The following RANBP2 variants were observed in gnomAD, a reference collection of about 807,000 sequenced individuals.
RANBP2 encodes E3 SUMO-protein ligase RanBP2.
A neutral mutation model predicts 303.6 loss-of-function variants in RANBP2; 57 were observed. The observed-to-expected ratio is 0.19, with a 90% confidence interval of 0.15 to 0.23. The LOEUF (loss-of-function observed/expected upper bound fraction) is 0.23. Ranked by LOEUF, RANBP2 falls within the 10% of genes least tolerant of loss-of-function variation. The pLI is 1.00. For synonymous variants in RANBP2, 1,167 were observed against 1,301.5 expected (o/e 0.90, Z 2.23); for missense variants, 3,138 against 3,780.8 (o/e 0.83, Z 4.46).
the RANBP2 span, among the ~76,000 whole-genome samples, chr2:108,856,473 T>TA: frequency 1.3e-5 from 2 of 152,208 alleles, no homozygotes; most frequent in Non-Finnish European, 2.9e-5. Context: ...ATGTAGTAGT[T>TA]ATCAAATATG....
chr2:109,050,451 C>T, the RANBP2 span, among the ~76,000 whole-genome samples: 20 of 151,980 alleles, frequency 1.3e-4, no homozygotes, highest in African/African-American at 4.8e-4. Context: ...TGGGGGGTCT[C>T]ATGAGGTTGC....
chr2:109,519,020 GT>G, the RANBP2 span, among the ~76,000 whole-genome samples: 1 of 149,736 alleles, frequency 6.7e-6, no homozygotes, highest in Admixed American at 6.7e-5. Flanking sequence ...CTGGGTTCAA[GT>G]GATTCTCCTG....
chr2:109,363,379 T>G, the RANBP2 span, among the ~76,000 whole-genome samples: 1 of 152,212 alleles, frequency 6.6e-6, no homozygotes, highest in African/African-American at 2.4e-5. Flanking sequence ...TCCTGTTCCT[T>G]GTATCATTGG....
the RANBP2 span, among the ~76,000 whole-genome samples, chr2:109,521,563 G>C: frequency 6.6e-6 from 1 of 152,336 alleles, no homozygotes; most frequent in Non-Finnish European, 1.5e-5. Flanking sequence ...CTCAGTGCAT[G>C]CTCGCGGTCC....
chr2:109,661,945 G>T, the RANBP2 span, among the ~76,000 whole-genome samples: 1 of 152,016 alleles, frequency 6.6e-6, no homozygotes, highest in Non-Finnish European at 1.5e-5. Context: ...TAAGTTTTTG[G>T]TGGTGGCCAT....
intron 28 of RANBP2, 118 bp downstream of exon 28, chr2:108,782,980 T>G: frequency 1.1e-6 from 1 of 941,160 alleles, no homozygotes; most frequent in Non-Finnish European, 1.7e-6. Flanking sequence ...TTTCTTTAGG[T>G]TTTCCACACA....
chr2:109,129,343 GCAGGCCGGTCCCCGCCAC>G, the RANBP2 span: 5 of 1,922 alleles, frequency 2.6e-3, no homozygotes, highest in South Asian at 0.032. Flanking sequence ...TCCCCGCCAC[GCAGGCCGGTCCCCGCCAC>G]GCAGGCCGGT....
chr2:109,152,641 G>A, the RANBP2 span, among the ~76,000 whole-genome samples: 1 of 152,086 alleles, frequency 6.6e-6, no homozygotes, highest in Non-Finnish European at 1.5e-5. Flanking sequence ...TCTTTAAACG[G>A]CATTATTTAA....
At chr2:109,676,056 G>T in the RANBP2 span, among the ~76,000 whole-genome samples, 103 of 152,372 alleles carry the variant, frequency 6.8e-4, no homozygotes, top group African/African-American at 2.3e-3. Context: ...GGCATGCAAG[G>T]TGGCTCCTTG....
chr2:108,935,221 A>G, the RANBP2 span, among the ~76,000 whole-genome samples: 1 of 152,130 alleles, frequency 6.6e-6, no homozygotes, highest in Non-Finnish European at 1.5e-5. Flanking sequence ...ATTCCCATCT[A>G]GAATGATGAC....
the RANBP2 span, among the ~76,000 whole-genome samples, chr2:109,570,548 G>A: frequency 4.7e-4 from 70 of 149,376 alleles, no homozygotes; most frequent in African/African-American, 1.6e-3. Context: ...TTTCCAAGAC[G>A]GAGTCTAGCT....
chr2:109,098,275 G>T, the RANBP2 span, among the ~76,000 whole-genome samples: 2 of 152,210 alleles, frequency 1.3e-5, no homozygotes, highest in Non-Finnish European at 2.9e-5. Context: ...GTCCCCAGCA[G>T]TCCACGCTGA....
At chr2:109,704,876 A>G in the RANBP2 span, among the ~76,000 whole-genome samples, 1 of 152,170 alleles carries the variant, frequency 6.6e-6, no homozygotes, top group East Asian at 1.9e-4. Flanking sequence ...GCAGGCATGT[A>G]TAAAGAGCAT....
At chr2:109,281,241 G>A in the RANBP2 span, among the ~76,000 whole-genome samples, 1 of 152,238 alleles carries the variant, frequency 6.6e-6, no homozygotes, top group Admixed American at 6.5e-5. Flanking sequence ...GGCACACTTA[G>A]GGGCACAAAC....
chr2:108,832,664 A>G, the RANBP2 span, among the ~76,000 whole-genome samples: 6 of 152,194 alleles, frequency 3.9e-5, no homozygotes, highest in African/African-American at 1.2e-4. Context: ...GGTATAGGTA[A>G]ATTATATCCT....
the RANBP2 span, among the ~76,000 whole-genome samples, chr2:109,468,502 G>A: frequency 6.6e-6 from 1 of 152,280 alleles, no homozygotes; most frequent in East Asian, 1.9e-4. Context: ...AGGGCAGGAA[G>A]CAAAATGTTT....
the RANBP2 span, among the ~76,000 whole-genome samples, chr2:109,365,285 A>G: frequency 6.6e-6 from 1 of 152,168 alleles, no homozygotes. Context: ...CCCCCCAGTG[A>G]CTGGGCCCCT....
the RANBP2 span, among the ~76,000 whole-genome samples, chr2:109,347,034 G>A: frequency 1.3e-5 from 2 of 152,138 alleles, no homozygotes; most frequent in East Asian, 3.9e-4. Context: ...TGTACCGCTG[G>A]CCATGAGTCC....
chr2:109,699,117 A>G, the RANBP2 span, among the ~76,000 whole-genome samples: 7 of 152,140 alleles, frequency 4.6e-5, no homozygotes, highest in Non-Finnish European at 1.0e-4. Flanking sequence ...TTACCTGCCT[A>G]TGTGGGTTCT....
Sources: gnomAD v4.1 joint callset for allele counts (sites outside exome capture counted in the v4.1 genomes callset) on GRCh38, gnomAD v4.1.1 for gene constraint, MANE v1.5 for transcripts, NCBI Gene and HGNC (gene_info 2026-07-23, HGNC 2026-07-21) for gene names.